The following FN3KRP variants were observed in gnomAD, a reference collection of about 807,000 sequenced individuals.
FN3KRP encodes fructosamine 3 kinase related protein.
Under a neutral mutation model 29.8 loss-of-function variants are expected in FN3KRP, and 33 were observed. That is an observed-to-expected ratio of 1.11 (90% CI 0.84 to 1.48). The LOEUF (loss-of-function observed/expected upper bound fraction) is 1.48, where lower values mean the gene tolerates loss of function less well. Among genes scored for constraint, FN3KRP ranks in the 40% most tolerant of loss-of-function variants. The pLI, the probability that FN3KRP is intolerant of heterozygous loss-of-function variation, is 0.00. For missense variants in FN3KRP, 430 were observed against 402.6 expected (o/e 1.07, Z -0.58); for synonymous variants, 157 against 155.2 (o/e 1.01, Z -0.09).
chr17:82,721,848 T>G (rs1385653438), intron 3 of FN3KRP, among the ~76,000 whole-genome samples: 2 of 151,506 alleles, frequency 1.3e-5, no homozygotes, highest in South Asian at 2.1e-4. Context: ...GTTTTGTTTT[T>G]TTTGAAATGG....
intron 2 of FN3KRP, among the ~76,000 whole-genome samples, chr17:82,719,716 C>T (rs537019195): frequency 1.1e-4 from 17 of 151,952 alleles, no homozygotes; most frequent in Non-Finnish European, 2.1e-4. Flanking sequence ...GATCGCACCA[C>T]TGCACTCTAG....
Position 82,716,856 on chromosome 17 carries a change from A to G in FN3KRP, c.101A>G (p.Asp34Gly), listed in dbSNP as rs1197597266. The G allele has an allele frequency of 1.9e-5, 30 of 1,566,978 alleles. No individual in the cohort carries two copies. The highest frequency in any genetic ancestry group is 2.6e-5 in the Non-Finnish European group (30 of 1,160,792). The change falls in exon 1 of 6, where the codon GAT becomes GGT. Residue 34 changes from aspartate (D) to glycine (G), a missense_variant. Asp to Gly is a moderately conservative substitution (Grantham distance 94). Coordinates refer to ENST00000269373, the MANE Select transcript of FN3KRP (RefSeq NM_024619.4). The part of the protein sequence containing the change: ...CISQGRSYDT[D>G]QGRVFVKVNP... ...AGCCAGGGCCGGAGCTACGACACGG[A>G]TCAAGGACGAGTGTTCGTGAAAGTG...
In FN3KRP at chr17:82,716,916, G is replaced by A; in HGVS notation, c.141+20G>A. 6.4e-7 allele frequency: 1 copy of A among 1,562,922 alleles called. No individual in the cohort carries two copies. Among genetic ancestry groups the A allele is most frequent in the Non-Finnish European group, 8.6e-7 (1 of 1,159,122 alleles). ...GCGGAGGTCAGGCAGCGGGTCGGGC[G>A]GGCCGGGGGACCGGTTTCTTTCCGG... On this transcript the variant is annotated intron_variant, in intron 1 of 5. Coordinates refer to ENST00000269373, the MANE Select transcript of FN3KRP (RefSeq NM_024619.4).
intron 4 of FN3KRP, among the ~76,000 whole-genome samples, chr17:82,725,875 A>G (rs923804751): frequency 6.6e-6 from 1 of 152,152 alleles, no homozygotes; most frequent in Admixed American, 6.6e-5. Flanking sequence ...AAAACAACGT[A>G]AAGAAAGTGG....
At chr17:82,719,109 C>G in intron 2 of FN3KRP, 52 bp downstream of exon 2, 1 of 1,498,016 alleles carries the variant, frequency 6.7e-7, no homozygotes, top group Non-Finnish European at 9.1e-7. Context: ...GCAGGTGTGT[C>G]TTCACACCTT....
At position 82,717,453 on chromosome 17, in the gene FN3KRP, C is replaced by T. The variant is rs1269343591; in HGVS notation, c.141+557C>T. ...CTCATTCTCGGGCCGGGCGCGGTGG[C>T]TCACGCCTGTAATCCCAGCACTTTG... On this transcript the variant is annotated intron_variant, in intron 1 of 5. Coordinates refer to ENST00000269373, the MANE Select transcript of FN3KRP (RefSeq NM_024619.4). Among the ~76,000 whole-genome samples, 3 of 152,312 alleles carry T rather than the reference C, an allele frequency of 2.0e-5. No homozygotes were observed. In the East Asian group the frequency reaches 5.8e-4, roughly 29 times the overall value.
rs1002573464 is a variant in FN3KRP, at chr17:82,727,598, C to T, written c.*427C>T. ...TGCAGGAATGTCTCTGAGCTGTTCA[C>T]GTTGATGCTTCTTGGTTGGCAAGAC... On this transcript the variant is annotated 3_prime_UTR_variant, in exon 6 of 6. Transcript: ENST00000269373. The T allele has an allele frequency of 5.5e-5, 9 of 162,624 alleles. No homozygotes were observed. Among genetic ancestry groups the T allele is most frequent in the African/African-American group, 1.9e-4 (8 of 41,760 alleles). The allele number at this position is 162,624 out of a possible 1,614,324, so 10.1% of individuals were successfully genotyped here.
rs965410916 is a variant in FN3KRP, at chr17:82,716,742, G to A, written c.-14G>A. 6.8e-6 allele frequency: 10 copies of A among 1,477,918 alleles called. No individual in the cohort carries two copies. The African/African-American group carries it at 1.2e-4, about 17-fold the overall frequency. 91.6% of individuals were successfully genotyped at this position (1,477,918 alleles called of 1,614,324 possible). On this transcript the variant is annotated 5_prime_UTR_variant, in exon 1 of 6. Coordinates refer to ENST00000269373, the MANE Select transcript of FN3KRP (RefSeq NM_024619.4). ...CCGCCAGATCCGGGGCGGGTCCGCGGCCGCGGCGGGAACATGGAGGAGCTC... is the reference window on the plus strand; with the variant it reads ...CCGCCAGATCCGGGGCGGGTCCGCGACCGCGGCGGGAACATGGAGGAGCTC...
chr17:82,727,432 C>G lies in FN3KRP; in HGVS notation c.*261C>G, dbSNP rs1322002954. On this transcript the variant is annotated 3_prime_UTR_variant, in exon 6 of 6. Coordinates refer to ENST00000269373, the MANE Select transcript of FN3KRP (RefSeq NM_024619.4). ...ATGGAGTGTGGGTGACTCTGAGCCT[C>G]ACTGCTGCTGCAAGGTGGGGAAACT... 1.2e-5 allele frequency: 4 copies of G among 340,396 alleles called. No homozygotes were observed. Among genetic ancestry groups the G allele is most frequent in the Non-Finnish European group, 2.1e-5 (4 of 192,476 alleles). The allele number at this position is 340,396 out of a possible 1,614,324, so 21.1% of individuals were successfully genotyped here. A position where few individuals can be genotyped will look rare whatever the true frequency, so the allele number is the denominator to read the frequency against.
rs772023434 is a variant in FN3KRP at position 82,716,793 on chromosome 17, C to G, written c.38C>G (p.Ser13Cys). The G allele has an allele frequency of 6.5e-7, 1 of 1,545,598 alleles. No homozygotes were observed. Among genetic ancestry groups the G allele is most frequent in the Non-Finnish European group, 8.7e-7 (1 of 1,153,100 alleles). ...ELLRRELGCS[S>C]VRATGHSGGG... ...CTGAGGCGCGAGCTGGGCTGCAGCT[C>G]TGTCAGGGCCACGGGCCACTCGGGG... The change falls in exon 1 of 6, where the codon TCT becomes TGT. Residue 13 changes from serine (S) to cysteine (C), a missense_variant. Physicochemically the swap from Ser to Cys is moderately radical, Grantham distance 112 (BLOSUM62 -1). Coordinates refer to ENST00000269373, the MANE Select transcript of FN3KRP (RefSeq NM_024619.4).
intron 4 of FN3KRP, among the ~76,000 whole-genome samples, chr17:82,723,377 G>T (rs1039791943): frequency 1.3e-5 from 2 of 152,014 alleles, no homozygotes; most frequent in African/African-American, 4.8e-5. Context: ...ACTTTGAAAT[G>T]TTGAAGTTTG....
In FN3KRP at chr17:82,716,763, A is replaced by C. The variant is rs1294674673; in HGVS notation, c.8A>C (p.Glu3Ala). The change falls in exon 1 of 6, where the codon GAG becomes GCG. Residue 3 changes from glutamate to alanine, a missense_variant. Coordinates refer to ENST00000269373, the MANE Select transcript of FN3KRP (RefSeq NM_024619.4). The stretch of plus-strand genomic sequence containing the variant: ...CGCGGCCGCGGCGGGAACATGGAGG[A>C]GCTCCTGAGGCGCGAGCTGGGCTGC... ME[E>A]LLRRELGCSS... 2.0e-6 allele frequency: 3 copies of C among 1,513,106 alleles called. 1 individual carries two copies. The African/African-American group carries it at 4.4e-5, about 22-fold the overall frequency. The allele number at this position is 1,513,106 out of a possible 1,614,324, so 93.7% of individuals were successfully genotyped here. A position where few individuals can be genotyped will look rare whatever the true frequency, so the allele number is the denominator to read the frequency against.
chr17:82,719,183 T>G, intron 2 of FN3KRP, 126 bp downstream of exon 2: 1 of 865,828 alleles, frequency 1.2e-6, no homozygotes, highest in South Asian at 1.7e-5. Flanking sequence ...AGGTGTGTGT[T>G]CACACCACCC....
At chr17:82,726,240 G>A (rs2046836116) in intron 4 of FN3KRP, among the ~76,000 whole-genome samples, 1 of 152,168 alleles carries the variant, frequency 6.6e-6, no homozygotes, top group Non-Finnish European at 1.5e-5. Flanking sequence ...AGGCTACAGA[G>A]TGGGTCCTGA....
intron 3 of FN3KRP, 119 bp downstream of exon 3, chr17:82,720,482 G>C (rs2046791262): frequency 1.5e-6 from 1 of 686,158 alleles, no homozygotes; most frequent in East Asian, 2.8e-5. Flanking sequence ...TGATGGCAGA[G>C]CAAGGGAATG....
intron 4 of FN3KRP, 148 bp from the exon 5 acceptor site, chr17:82,726,332 G>A (rs2046836589): frequency 1.1e-6 from 1 of 908,702 alleles, no homozygotes; most frequent in Non-Finnish European, 1.7e-6. Flanking sequence ...CTCCTGGGAT[G>A]TGGTTCCCCC....
At chr17:82,721,729 C>T (rs946040410) in intron 3 of FN3KRP, among the ~76,000 whole-genome samples, 1 of 151,908 alleles carries the variant, frequency 6.6e-6, no homozygotes, top group Admixed American at 6.6e-5. Flanking sequence ...GTCTCGACTT[C>T]CTGACCTCGT....
At chr17:82,726,335 G>T (rs1259121520) in intron 4 of FN3KRP, 145 bp from the exon 5 acceptor site, 4 of 948,960 alleles carry the variant, frequency 4.2e-6, no homozygotes, top group Non-Finnish European at 4.8e-6. Context: ...CTGGGATGTG[G>T]TTCCCCCCTC....
intron 4 of FN3KRP, among the ~76,000 whole-genome samples, chr17:82,724,839 C>T (rs1196029767): frequency 2.0e-5 from 3 of 151,902 alleles, no homozygotes; most frequent in African/African-American, 2.4e-5. Flanking sequence ...GATGGAGTCT[C>T]GCTCTGTCAC....
Sources: allele counts gnomAD v4.1 joint callset (sites outside exome capture counted in the v4.1 genomes callset), GRCh38; gene constraint gnomAD v4.1.1; transcripts MANE v1.5; gene names NCBI Gene and HGNC (gene_info 2026-07-23, HGNC 2026-07-21).